The following SLC9A9 variants were observed in gnomAD, a reference collection of about 807,000 sequenced individuals.
SLC9A9 encodes solute carrier family 9 member A9.
Under a neutral mutation model 77.8 loss-of-function variants are expected in SLC9A9, and 62 were observed. That is an observed-to-expected ratio of 0.80 (90% confidence interval 0.65 to 0.98). The LOEUF is 0.98. Ranked by LOEUF, SLC9A9 falls within the 50% of genes least tolerant of loss-of-function variation. SLC9A9 has a pLI of 0.00. For missense variants in SLC9A9, 775 were observed against 774.9 expected (o/e 1.00, Z 0.00); for synonymous variants, 320 against 283.5 (o/e 1.13, Z -1.29).
intron 5 of SLC9A9, among the ~76,000 whole-genome samples, chr3:143,674,760 T>G (rs750970586): frequency 8.5e-5 from 13 of 152,176 alleles, no homozygotes; most frequent in Non-Finnish European, 1.8e-4. Flanking sequence ...AAGGGAAGTT[T>G]ATTATAATTA....
At chr3:143,640,504 G>T (rs909825482) in intron 6 of SLC9A9, among the ~76,000 whole-genome samples, 1 of 152,098 alleles carries the variant, frequency 6.6e-6, no homozygotes, top group Admixed American at 6.5e-5. Context: ...TGAATGAGGA[G>T]CTACTATGAC....
chr3:143,342,556 T>A (rs371028856), intron 14 of SLC9A9, among the ~76,000 whole-genome samples: 133 of 152,316 alleles, frequency 8.7e-4, no homozygotes, highest in African/African-American at 3.1e-3. Context: ...CCCCACCCAA[T>A]GCCACCATCT....
intron 9 of SLC9A9, among the ~76,000 whole-genome samples, chr3:143,539,604 T>G (rs2036651113): frequency 6.6e-6 from 1 of 152,148 alleles, no homozygotes; most frequent in African/African-American, 2.4e-5. Context: ...CCCTTCATAC[T>G]TACACCTATC....
intron 2 of SLC9A9, among the ~76,000 whole-genome samples, chr3:143,808,141 C>T (rs570970536): frequency 1.3e-5 from 2 of 152,340 alleles, no homozygotes; most frequent in South Asian, 2.1e-4. Flanking sequence ...GTAAGAAAGC[C>T]TAAGGTCAAA....
At chr3:143,284,747 C>T (rs909061960) in intron 14 of SLC9A9, among the ~76,000 whole-genome samples, 3 of 152,062 alleles carry the variant, frequency 2.0e-5, no homozygotes, top group African/African-American at 7.2e-5. Context: ...CATTTAAATA[C>T]TTTTTCAAAA....
chr3:143,652,247 G>A lies in SLC9A9; in HGVS notation c.755+8C>T. 6.2e-7 allele frequency: 1 copy of A among 1,601,492 alleles called. No homozygotes were observed. The highest frequency in any genetic ancestry group is 2.2e-5 in the East Asian group (1 of 44,730). ...TTAAAGAAACATAGGCCAAGTTCTG[G>A]TACTTACTATGTAAGGACTATGGCC... On this transcript the variant is annotated splice_region_variant and intron_variant, in intron 6 of 15. Coordinates refer to ENST00000316549, the MANE Select transcript of SLC9A9 (RefSeq NM_173653.4).
intron 2 of SLC9A9, among the ~76,000 whole-genome samples, chr3:143,825,909 TC>T (rs5853129): frequency 0.76 from 115,821 of 152,112 alleles, 49,472 homozygotes; most frequent in South Asian, 0.93. Flanking sequence ...ACATGCTAAA[TC>T]AATGATGAAT....
At chr3:143,333,009 C>T (rs79149181) in intron 14 of SLC9A9, among the ~76,000 whole-genome samples, 2,105 of 152,322 alleles carry the variant, frequency 0.014, 49 homozygotes, top group African/African-American at 0.049. Flanking sequence ...TTGATGCCAA[C>T]TACAACTGCC....
At chr3:143,705,837 T>C (rs1454054523) in intron 4 of SLC9A9, among the ~76,000 whole-genome samples, 2 of 152,160 alleles carry the variant, frequency 1.3e-5, no homozygotes, top group Non-Finnish European at 2.9e-5. Flanking sequence ...ATAGTAAAGG[T>C]ATACTTTACT....
chr3:143,654,629 T>C (rs557894949), intron 5 of SLC9A9, among the ~76,000 whole-genome samples: 76 of 152,346 alleles, frequency 5.0e-4, no homozygotes, highest in African/African-American at 1.8e-3. Flanking sequence ...TAGGATCTTG[T>C]GGAATAAAAG....
chr3:143,369,114 G>A (rs536896889), intron 13 of SLC9A9, among the ~76,000 whole-genome samples: 22 of 152,272 alleles, frequency 1.4e-4, no homozygotes, highest in Non-Finnish European at 2.5e-4. Flanking sequence ...TACCAGATGG[G>A]CTTGGCTCAT....
chr3:143,519,401 A>G (rs2036258344), intron 9 of SLC9A9, among the ~76,000 whole-genome samples: 1 of 152,190 alleles, frequency 6.6e-6, no homozygotes, highest in Non-Finnish European at 1.5e-5. Flanking sequence ...AAAGACCCTG[A>G]GAAACATCAA....
intron 8 of SLC9A9, among the ~76,000 whole-genome samples, chr3:143,572,256 A>G (rs1255260767): frequency 6.6e-6 from 1 of 152,024 alleles, no homozygotes; most frequent in Non-Finnish European, 1.5e-5. Context: ...TGGACAAGGA[A>G]ATAGACAATT....
intron 5 of SLC9A9, among the ~76,000 whole-genome samples, chr3:143,676,016 G>C (rs565517137): frequency 5.3e-5 from 8 of 152,168 alleles, no homozygotes; most frequent in African/African-American, 1.9e-4. Flanking sequence ...GGGCGAGGTG[G>C]GGATGGTTTC....
In SLC9A9 at chr3:143,742,364, G is replaced by A. The variant is rs146408375; in HGVS notation, c.534-49057C>T. On this transcript the variant is annotated intron_variant, in intron 4 of 15. Transcript: ENST00000316549. ...TAAAACTCCGGTCTCCCACACAGCC[G>A]GCTCTGCGTGAATTACTCTTTCTCT... 6.9e-4 allele frequency among the ~76,000 whole-genome samples: 105 copies of A among 152,278 alleles called. No individual in the cohort carries two copies. The Middle Eastern group carries it at 0.017, about 25-fold the overall frequency.
intron 9 of SLC9A9, among the ~76,000 whole-genome samples, chr3:143,511,194 C>T (rs749148978): frequency 6.6e-6 from 1 of 152,176 alleles, no homozygotes; most frequent in Non-Finnish European, 1.5e-5. Context: ...CACCCCAAAA[C>T]AGTCAAGTAA....
At chr3:143,497,865 T>G (rs907936883) in intron 9 of SLC9A9, among the ~76,000 whole-genome samples, 12 of 152,208 alleles carry the variant, frequency 7.9e-5, no homozygotes, top group Non-Finnish European at 1.5e-5. Context: ...TAAGAAAGTC[T>G]GTTACCTTTG....
intron 14 of SLC9A9, among the ~76,000 whole-genome samples, chr3:143,276,325 C>T (rs1053537539): frequency 1.3e-5 from 2 of 152,222 alleles, no homozygotes; most frequent in Admixed American, 1.3e-4. Context: ...CGATGCTACT[C>T]CATTGCTTCC....
chr3:143,848,035 G>A (rs1257544029), intron 1 of SLC9A9, 113 bp downstream of exon 1: 2 of 1,083,804 alleles, frequency 1.8e-6, no homozygotes, highest in African/African-American at 1.6e-5. Flanking sequence ...TCAAACTAAT[G>A]ACATTTCAAT....
Sources: allele counts gnomAD v4.1 joint callset (sites outside exome capture counted in the v4.1 genomes callset), GRCh38; gene constraint gnomAD v4.1.1; transcripts MANE v1.5; gene names NCBI Gene and HGNC (gene_info 2026-07-23, HGNC 2026-07-21).